CELSR2: variants seen among roughly 807,000 people sequenced by gnomAD.
The protein encoded by CELSR2 is cadherin EGF LAG seven-pass G-type receptor 2, also known as EGF-like protein 2.
CELSR2 carries 81 observed loss-of-function variants against 251.6 expected under a neutral mutation model. The observed-to-expected ratio is 0.32, with a 90% CI of 0.27 to 0.39. The LOEUF is 0.39. Ranked by LOEUF, CELSR2 falls within the 10% of genes least tolerant of loss-of-function variation. The pLI is 1.00. For missense variants in CELSR2, 3,365 were observed against 3,947.7 expected, an observed-to-expected ratio of 0.85 and a Z score of 3.96; for synonymous variants, 1,721 against 1,670.5, an observed-to-expected ratio of 1.03 and a Z score of -0.74.
intron 12 of CELSR2, 36 bp downstream of exon 12, chr1:109,265,045 T>C (rs753340420): frequency 6.2e-7 from 1 of 1,613,468 alleles, no homozygotes; most frequent in Non-Finnish European, 8.5e-7. Flanking sequence ...CAGGTCCCAG[T>C]GGCTGCTGCT....
At chr1:109,267,453 C>T in intron 15 of CELSR2, 95 bp from the exon 16 acceptor site, 1 of 1,125,322 alleles carries the variant, frequency 8.9e-7, no homozygotes, top group Non-Finnish European at 1.3e-6. Context: ...GTCCCCGGCC[C>T]ATGAGGTGCT....
intron 1 of CELSR2, among the ~76,000 whole-genome samples, chr1:109,257,084 G>A (rs1000251270): frequency 1.3e-5 from 2 of 152,208 alleles, no homozygotes; most frequent in Non-Finnish European, 2.9e-5. Context: ...GAATATGCCA[G>A]TAGCTCATGC....
chr1:109,258,767 C>A lies in CELSR2; in HGVS notation c.3646C>A (p.Leu1216Met), dbSNP rs772124372. ...QERLYLNRSLLTAISAQRVLP... is the reference protein window; with the variant it reads ...QERLYLNRSLMTAISAQRVLP... ...GCGCCTATACCTCAACCGCAGCCTG[C>A]TGACGGCCATCTCGGCACAGCGCGT... Residue 1216 changes from leucine (L) to methionine (M), a missense_variant, in exon 2 of 34, where the codon CTG becomes ATG. Physicochemically the swap from Leu to Met is conservative, Grantham distance 15. Transcript: ENST00000271332. 4.3e-5 allele frequency: 69 copies of A among 1,595,544 alleles called. No individual in the cohort carries two copies. Among genetic ancestry groups the A allele is most frequent in the Non-Finnish European group, 5.5e-5 (65 of 1,171,364 alleles).
In CELSR2 at chr1:109,263,628, C is replaced by G; in HGVS notation, c.4852C>G (p.His1618Asp). 1.2e-6 allele frequency: 2 copies of G among 1,613,970 alleles called. No individual in the cohort carries two copies. Among genetic ancestry groups the G allele is most frequent in the South Asian group, 2.2e-5 (2 of 91,084 alleles). ...SCAQEMANPQ[H>D]FLGSSLVAWH... The stretch of plus-strand genomic sequence containing the variant: ...CTCCCCAGAAATGGCCAATCCACAG[C>G]ACTTCCTGGGCAGCAGCCTGGTGGC... Residue 1618 changes from histidine (H) to aspartate (D), a missense_variant, in exon 9 of 34, where the codon CAC becomes GAC. Physicochemically the swap from His to Asp is moderately conservative, Grantham distance 81 (BLOSUM62 -1). Transcript: ENST00000271332.
intron 12 of CELSR2, 52 bp from the exon 13 acceptor site, chr1:109,265,139 T>C: frequency 6.3e-7 from 1 of 1,580,228 alleles, no homozygotes; most frequent in Non-Finnish European, 8.6e-7. Flanking sequence ...CTCACCTAGG[T>C]TAGGTGGGAG....
At chr1:109,267,752 C>T (rs1264935604) in intron 16 of CELSR2, 99 bp from the exon 17 acceptor site, 24 of 1,557,168 alleles carry the variant, frequency 1.5e-5, no homozygotes, top group Non-Finnish European at 2.1e-5. Context: ...CCTGTGTGTT[C>T]CTGGGCTCCC....
rs1656091272 is a variant in CELSR2 at position 109,263,606 on chromosome 1, C to T, written c.4835-5C>T. On this transcript the variant is annotated splice_polypyrimidine_tract_variant and splice_region_variant and intron_variant, in intron 8 of 33. Coordinates refer to ENST00000271332, the MANE Select transcript of CELSR2 (RefSeq NM_001408.3). ...GTCACAGTCTGCCTTTTCCTGCCTC[C>T]CCAGAAATGGCCAATCCACAGCACT... 6.2e-7 allele frequency: 1 copy of T among 1,613,296 alleles called. No individual in the cohort carries two copies. The highest frequency in any genetic ancestry group is 1.3e-5 in the African/African-American group (1 of 74,938).
At position 109,269,875 on chromosome 1, in the gene CELSR2, CTGGG is replaced by C; in HGVS notation, c.7108-55_7108-52del. On this transcript the variant is annotated intron_variant, in intron 22 of 33. Coordinates refer to ENST00000271332, the MANE Select transcript of CELSR2 (RefSeq NM_001408.3). This position sits in a 1 kb window ranked among gnomAD's most constrained non-coding sequence, Gnocchi z 6.4. ...GTGGGTGGGCACCCAGGGCACGGGG[CTGGG>C]TGCTCAGGTCCTGCCCTTCCTAATT... The C allele has an allele frequency of 6.2e-7, 1 of 1,613,560 alleles. No homozygotes were observed. Among genetic ancestry groups the C allele is most frequent in the East Asian group, 2.2e-5 (1 of 44,852 alleles).
Position 109,253,022 on chromosome 1 carries a change from G to C in CELSR2, c.2943G>C (p.Leu981=). Residue 981 remains leucine (L), a synonymous_variant, in exon 1 of 34, where the codon CTG becomes CTC. Transcript: ENST00000271332. The part of the protein sequence containing the change: ...LDIFSGELTA[L]VDLDYEDRPE... ...TCTTCTCCGGGGAGCTGACAGCCCT[G>C]GTAGACTTAGACTACGAGGACCGGC... is the stretch of plus-strand genomic sequence containing the variant. The C allele has an allele frequency of 6.2e-7, 1 of 1,613,440 alleles. No homozygotes were observed.
chr1:109,250,812 G>A lies in CELSR2; in HGVS notation c.733G>A (p.Glu245Lys), dbSNP rs778043624. The A allele has an allele frequency of 3.7e-6, 6 of 1,613,984 alleles. No individual in the cohort carries two copies. The highest frequency in any genetic ancestry group is 2.2e-5 in the South Asian group (2 of 91,096). Reference sequence around the variant, plus strand: ...AGTCACTGGTGCAGTAACCACAGCCGAGGAGCTGGATCGTGAGACCAAGAG... The same window carrying A: ...AGTCACTGGTGCAGTAACCACAGCCAAGGAGCTGGATCGTGAGACCAAGAG... ...DPVTGAVTTAEELDRETKSTH... is the reference protein window; with the variant it reads ...DPVTGAVTTAKELDRETKSTH... The change falls in exon 1 of 34, where the codon GAG (glutamate) becomes AAG (lysine). Residue 245 changes from glutamate (E) to lysine (K), a missense_variant. Physicochemically the swap from Glu to Lys is moderately conservative, Grantham distance 56. Transcript: ENST00000271332. The surrounding 1 kb of genome is among the most constrained non-coding windows in gnomAD (Gnocchi z 4.4).
chr1:109,269,919 C>T lies in CELSR2; in HGVS notation c.7108-14C>T. On this transcript the variant is annotated splice_polypyrimidine_tract_variant and intron_variant, in intron 22 of 33. Transcript: ENST00000271332. This position sits in a 1 kb window ranked among gnomAD's most constrained non-coding sequence, Gnocchi z 6.4. Reference sequence around the variant, plus strand: ...CCTTCCTAATTCCCTGGCCCCCTGCCACCTACTCTGCAGAATGGGGAGATC... The same window carrying T: ...CCTTCCTAATTCCCTGGCCCCCTGCTACCTACTCTGCAGAATGGGGAGATC... The T allele has an allele frequency of 1.2e-6, 2 of 1,614,130 alleles. No homozygotes were observed. The highest frequency in any genetic ancestry group is 1.7e-6 in the Non-Finnish European group (2 of 1,180,002).
rs745646802 is a variant in CELSR2 at position 109,251,290 on chromosome 1, A to G, written c.1211A>G (p.Tyr404Cys). 21 of 1,614,134 alleles carry G rather than the reference A, an allele frequency of 1.3e-5. No individual in the cohort carries two copies. Among genetic ancestry groups the G allele is most frequent in the South Asian group, 3.3e-5 (3 of 91,078 alleles). Reference protein sequence around the residue: ...DNAPQFSEKRYVVQVREDVTP... With the variant: ...DNAPQFSEKRCVVQVREDVTP... ...GCCCCCCAGTTTAGTGAGAAGCGCT[A>G]TGTGGTCCAGGTGAGGGAGGATGTG... The change falls in exon 1 of 34, where the codon TAT becomes TGT. Residue 404 changes from tyrosine (Y) to cysteine (C), a missense_variant. Transcript: ENST00000271332. This position sits in a 1 kb window ranked among gnomAD's most constrained non-coding sequence, Gnocchi z 4.9.
chr1:109,249,575 G>T lies in CELSR2; in HGVS notation c.-505G>T, dbSNP rs1655612301. 6.7e-6 allele frequency among the ~76,000 whole-genome samples: 1 copy of T among 149,748 alleles called. No homozygotes were observed. Among genetic ancestry groups the T allele is most frequent in the South Asian group, 2.1e-4 (1 of 4,830 alleles). On this transcript the variant is annotated 5_prime_UTR_variant, in exon 1 of 34. Transcript: ENST00000271332. ...CCGCCCGCCGGGGAGGCGAGGGAGC[G>T]CGGGGCTGGGCCCGGGGCCGCGGCG... is the stretch of plus-strand genomic sequence containing the variant.
chr1:109,257,220 G>A (rs1655873398), intron 1 of CELSR2, among the ~76,000 whole-genome samples: 1 of 152,062 alleles, frequency 6.6e-6, no homozygotes, highest in Admixed American at 6.6e-5. Flanking sequence ...AGGCATAGTT[G>A]TGAGCACCTG....
intron 1 of CELSR2, among the ~76,000 whole-genome samples, chr1:109,255,085 T>C (rs935335540): frequency 2.0e-5 from 3 of 152,012 alleles, no homozygotes; most frequent in Admixed American, 2.0e-4. Context: ...CGGGGCAACA[T>C]CCAGGACGGC....
chr1:109,263,832 C>A, intron 9 of CELSR2, 55 bp downstream of exon 9: 1 of 1,579,636 alleles, frequency 6.3e-7, no homozygotes, highest in Non-Finnish European at 8.6e-7. Context: ...CTGGTAGCCT[C>A]TAGGCGGCTG....
intron 26 of CELSR2, 38 bp from the exon 27 acceptor site, chr1:109,271,348 G>A: frequency 1.2e-6 from 2 of 1,613,744 alleles, no homozygotes; most frequent in East Asian, 2.2e-5. Flanking sequence ...AGCATGGGAG[G>A]TCTCATGGCC....
In CELSR2 at chr1:109,270,431, C is replaced by T; in HGVS notation, c.7314C>T (p.Ala2438=). ...LGINQADLPF[A]CTVIAILLHF... The stretch of plus-strand genomic sequence containing the variant: ...GCCCTGGCCTGGGCCCTCAGTTTGC[C>T]TGCACAGTCATTGCCATCCTGCTGC... Residue 2438 remains alanine, a synonymous_variant, in exon 24 of 34, where the codon GCC becomes GCT. Transcript: ENST00000271332. The T allele has an allele frequency of 6.2e-7, 1 of 1,614,198 alleles. No homozygotes were observed. The highest frequency in any genetic ancestry group is 8.5e-7 in the Non-Finnish European group (1 of 1,180,030).
Position 109,263,886 on chromosome 1 carries a change from T to C in CELSR2, c.5001+109T>C, listed in dbSNP as rs1021895161. 3.5e-6 allele frequency: 5 copies of C among 1,434,780 alleles called. No homozygotes were observed. In the Admixed American group the frequency reaches 7.3e-5, roughly 21 times the overall value. 88.9% of individuals were successfully genotyped at this position (1,434,780 alleles called of 1,614,324 possible). On this transcript the variant is annotated intron_variant, in intron 9 of 33. Transcript: ENST00000271332. ...GGTCCTGGGCAGGGGTGGGGACATA[T>C]AGAGGCCGCTGGATCCGTTGGGAAG... is the stretch of plus-strand genomic sequence containing the variant.
Sources: gnomAD v4.1 joint callset for allele counts (sites outside exome capture counted in the v4.1 genomes callset) on GRCh38, gnomAD v4.1.1 for gene constraint, Gnocchi (gnomAD v3.1) non-coding constraint, MANE v1.5 for transcripts, NCBI Gene and HGNC (gene_info 2026-07-23, HGNC 2026-07-21) for gene names.